ELP1: variants seen among roughly 807,000 people sequenced by gnomAD.
The protein encoded by ELP1 is elongator acetyltransferase complex subunit 1.
A neutral mutation model predicts 183.2 loss-of-function variants in ELP1; 131 were observed. The observed-to-expected ratio is 0.72, with a 90% confidence interval of 0.62 to 0.83. The LOEUF is 0.83. ELP1 is among the 40% of genes least tolerant of loss of function. ELP1 has a pLI of 0.00. For missense variants in ELP1, 1,550 were observed against 1,594.9 expected, an observed-to-expected ratio of 0.97 and a Z score of 0.48; for synonymous variants, 555 against 569.0, an observed-to-expected ratio of 0.98 and a Z score of 0.35.
Position 108,897,279 on chromosome 9 carries a change from T to G in ELP1, c.2370A>C (p.Glu790Asp), listed in dbSNP as rs772114554. ...CAGGGTACATGGTCTTCGTGACATC[T>G]TCTTCTCTAAGAACAGGTGTGTATG... The part of the protein sequence containing the change: ...INLFFTELKE[E>D]DVTKTMYPAP... The change falls in exon 23 of 37, where the codon GAA (glutamate) becomes GAC (aspartate). Residue 790 changes from glutamate to aspartate, a missense_variant. Glu to Asp is a conservative substitution (Grantham distance 45, BLOSUM62 2). Transcript: ENST00000374647. The G allele has an allele frequency of 4.3e-6, 7 of 1,614,006 alleles. No individual in the cohort carries two copies. The highest frequency in any genetic ancestry group is 5.1e-6 in the Non-Finnish European group (6 of 1,180,034).
chr9:108,903,499 A>G (rs1454166480), intron 15 of ELP1, 64 bp downstream of exon 15: 7 of 1,073,862 alleles, frequency 6.5e-6, no homozygotes, highest in Non-Finnish European at 1.0e-5. Context: ...ATACAAGTAC[A>G]TGTTCTTAAG....
intron 12 of ELP1, among the ~76,000 whole-genome samples, 189 bp from the exon 13 acceptor site, chr9:108,908,593 G>T (rs1829102358): frequency 6.6e-6 from 1 of 152,098 alleles, no homozygotes; most frequent in Non-Finnish European, 1.5e-5. Flanking sequence ...CCTGACAAAG[G>T]CCACATCTCA....
chr9:108,891,948 G>A (rs1019657338), intron 27 of ELP1, among the ~76,000 whole-genome samples: 5 of 152,138 alleles, frequency 3.3e-5, no homozygotes, highest in Non-Finnish European at 5.9e-5. Context: ...GTAACAGGAC[G>A]GCCAGTGTGA....
chr9:108,878,690 A>G lies in ELP1; in HGVS notation c.3633T>C (p.Ser1211=). Residue 1211 remains serine, a synonymous_variant, in exon 34 of 37, where the codon AGT becomes AGC. Coordinates refer to ENST00000374647, the MANE Select transcript of ELP1 (RefSeq NM_003640.5). ...CCAGGAGGGCCAGGTCCTCCAGCGG[A>G]CTGCCTTCTTTGAGGCTGTGCTTCT... is the stretch of plus-strand genomic sequence containing the variant. ...ERKKHSLKEG[S]PLEDLALLEA... 1 of 1,614,186 alleles carries G rather than the reference A, an allele frequency of 6.2e-7. No individual in the cohort carries two copies.
chr9:108,889,266 C>T (rs149125473), intron 29 of ELP1, 66 bp downstream of exon 29: 249 of 1,378,300 alleles, frequency 1.8e-4, no homozygotes, highest in Non-Finnish European at 2.3e-4. Flanking sequence ...TTCATGATCA[C>T]TAAGATACAA....
chr9:108,931,022 A>G lies in ELP1; in HGVS notation c.125T>C (p.Ile42Thr). The change falls in exon 2 of 37, where the codon ATA (isoleucine) becomes ACA (threonine). Residue 42 changes from isoleucine (I) to threonine (T), a missense_variant. By Grantham distance (89) the Ile-to-Thr change is moderately conservative. Coordinates refer to ENST00000374647, the MANE Select transcript of ELP1 (RefSeq NM_003640.5). ...TTCTCTTGAGACAGGGTCTACTTCT[A>G]TCAGGCCATGTTCTGAACCAATGAG... ...TVLIGSEHGL[I>T]EVDPVSREVK... The G allele has an allele frequency of 1.2e-6, 2 of 1,614,164 alleles. No individual in the cohort carries two copies. The highest frequency in any genetic ancestry group is 8.5e-7 in the Non-Finnish European group (1 of 1,180,034).
intron 36 of ELP1, among the ~76,000 whole-genome samples, chr9:108,870,202 G>T (rs1429621147): frequency 6.6e-6 from 1 of 152,158 alleles, no homozygotes; most frequent in African/African-American, 2.4e-5. Flanking sequence ...TCCTGGTCTC[G>T]TTCCACCCAC....
chr9:108,882,785 G>A (rs1015459957), intron 29 of ELP1, among the ~76,000 whole-genome samples: 1 of 151,920 alleles, frequency 6.6e-6, no homozygotes, highest in Non-Finnish European at 1.5e-5. Context: ...TTTAGACAGG[G>A]TCTCACTATG....
chr9:108,886,476 T>C (rs1456471828), intron 29 of ELP1, among the ~76,000 whole-genome samples: 1 of 152,144 alleles, frequency 6.6e-6, no homozygotes, highest in Non-Finnish European at 1.5e-5. Context: ...AATAAATCTA[T>C]AATACCAAGT....
At chr9:108,908,449 T>C (rs750917435) in intron 12 of ELP1, 45 bp from the exon 13 acceptor site, 18 of 1,406,982 alleles carry the variant, frequency 1.3e-5, no homozygotes, top group Non-Finnish European at 1.7e-5. Context: ...ATTATAAGAT[T>C]TCACCTAATA....
intron 12 of ELP1, 87 bp from the exon 13 acceptor site, chr9:108,908,491 C>A (rs1829098083): frequency 4.1e-6 from 4 of 967,642 alleles, no homozygotes; most frequent in Non-Finnish European, 6.6e-6. Flanking sequence ...TTAATGAGTT[C>A]TAGAAGGCAA....
chr9:108,907,613 A>G (rs1394725189), intron 13 of ELP1, among the ~76,000 whole-genome samples: 4 of 152,202 alleles, frequency 2.6e-5, no homozygotes, highest in Middle Eastern at 3.2e-3. Flanking sequence ...AAGAACATGG[A>G]CTTATCAAAC....
intron 18 of ELP1, among the ~76,000 whole-genome samples, chr9:108,900,835 T>TAGATAGGGCATGGA (rs1828762019): frequency 1.7e-5 from 1 of 57,684 alleles, no homozygotes; most frequent in Non-Finnish European, 3.2e-5. Context: ...CACACACACA[T>TAGATAGGGCATGGA]ACACGCCACA....
In ELP1 at chr9:108,922,878, T is replaced by C. The variant is rs1274381822; in HGVS notation, c.516A>G (p.Gly172=). 1 of 1,613,942 alleles carries C rather than the reference T, an allele frequency of 6.2e-7. No homozygotes were observed. Among genetic ancestry groups the C allele is most frequent in the Non-Finnish European group, 8.5e-7 (1 of 1,179,942 alleles). Residue 172 remains glycine, a synonymous_variant, in exon 6 of 37, where the codon GGA becomes GGG. Transcript: ENST00000374647. ...GAAAAGCTGCTTGTCTGCCTTCTGA[T>C]CCATGGAACTGTGTCTCCTTCCTAC... The part of the protein sequence containing the change: ...GWGRKETQFH[G]SEGRQAAFQM...
At chr9:108,879,404 G>T in intron 33 of ELP1, 42 bp downstream of exon 33, 2 of 1,439,764 alleles carry the variant, frequency 1.4e-6, no homozygotes, top group Non-Finnish European at 2.0e-6. Flanking sequence ...TTCCCTATAT[G>T]CCCAGGATAT....
At chr9:108,897,737 G>C (rs1473276749) in intron 22 of ELP1, among the ~76,000 whole-genome samples, 1 of 152,216 alleles carries the variant, frequency 6.6e-6, no homozygotes, top group South Asian at 2.1e-4. Flanking sequence ...ATTCAGAAGA[G>C]TAGTTGCCTG....
intron 33 of ELP1, among the ~76,000 whole-genome samples, 188 bp from the exon 34 acceptor site, chr9:108,878,938 C>A (rs1442710653): frequency 6.6e-6 from 1 of 152,190 alleles, no homozygotes; most frequent in Non-Finnish European, 1.5e-5. Context: ...ACATCCCAAG[C>A]AAGACTATAA....
At chr9:108,886,116 A>T (rs1442782919) in intron 29 of ELP1, among the ~76,000 whole-genome samples, 1 of 152,214 alleles carries the variant, frequency 6.6e-6, no homozygotes, top group Non-Finnish European at 1.5e-5. Context: ...CTCCCTTTAG[A>T]AACTGTAATG....
chr9:108,869,970 T>C (rs1827381826), intron 36 of ELP1, among the ~76,000 whole-genome samples: 2 of 152,142 alleles, frequency 1.3e-5, no homozygotes, highest in South Asian at 4.1e-4. Context: ...AAAATCTGCA[T>C]ATACCTTTTT....
Sources: gnomAD v4.1 joint callset for allele counts (sites outside exome capture counted in the v4.1 genomes callset) on GRCh38, gnomAD v4.1.1 for gene constraint, MANE v1.5 for transcripts, NCBI Gene and HGNC (gene_info 2026-07-23, HGNC 2026-07-21) for gene names.